The following ZMIZ1 variants were observed in gnomAD, a reference collection of about 807,000 sequenced individuals.
ZMIZ1 encodes zinc finger MIZ-type containing 1, also known as zinc finger MIZ domain-containing protein 1.
A neutral mutation model predicts 113.9 loss-of-function variants in ZMIZ1; 17 were observed. That is an observed-to-expected ratio of 0.15 (90% CI 0.10 to 0.22). The LOEUF (loss-of-function observed/expected upper bound fraction) is 0.22. Ranked by LOEUF, ZMIZ1 falls within the 10% of genes least tolerant of loss-of-function variation. The probability of loss-of-function intolerance (pLI) is 1.00; values close to 1 mark genes in which losing one functional copy is unlikely to be tolerated. For synonymous variants in ZMIZ1, 607 were observed against 603.1 expected, an observed-to-expected ratio of 1.01 and a Z score of -0.09; for missense variants, 1,059 against 1,477.8, an observed-to-expected ratio of 0.72 and a Z score of 4.65.
rs1216136831 is a variant in ZMIZ1 at position 79,175,633 on chromosome 10, G to GTGTGTGTGTGTGT, written c.-50+13500_-50+13501insTGTGTGTGTGTGT. Among the ~76,000 whole-genome samples, 110 of 72,548 alleles carry GTGTGTGTGTGTGT rather than the reference G, an allele frequency of 1.5e-3. 1 individual carries two copies. Among genetic ancestry groups the GTGTGTGTGTGTGT allele is most frequent in the Middle Eastern group, 8.9e-3 (1 of 112 alleles). 47.6% of individuals were successfully genotyped at this position (72,548 alleles called of 152,430 possible). A position where few individuals can be genotyped will look rare whatever the true frequency, so the allele number is the denominator to read the frequency against. On this transcript the variant is annotated intron_variant, in intron 4 of 24. Coordinates refer to ENST00000334512, the MANE Select transcript of ZMIZ1 (RefSeq NM_020338.4). Reference sequence around the variant, plus strand: ...GTGTGTGTGTGTGTGTGTGTGTGGAGGTTTTTACAGACCCGCATGTATGTG... The same window carrying GTGTGTGTGTGTGT: ...GTGTGTGTGTGTGTGTGTGTGTGGAGTGTGTGTGTGTGTGTTTTTACAGACCCGCATGTATGTG...
chr10:79,210,282 G>A (rs1367571688), intron 6 of ZMIZ1, among the ~76,000 whole-genome samples: 1 of 152,200 alleles, frequency 6.6e-6, no homozygotes, highest in African/African-American at 2.4e-5. Context: ...GAATCAGAGA[G>A]TGGCCCTCAC....
At chr10:79,293,697 C>T (rs745855691) in intron 12 of ZMIZ1, 44 bp downstream of exon 12, 7 of 1,612,764 alleles carry the variant, frequency 4.3e-6, no homozygotes, top group Non-Finnish European at 1.7e-6. Flanking sequence ...ACTGGGACAC[C>T]TGGGCTTGAA....
At position 79,163,233 on chromosome 10, in the gene ZMIZ1, G is replaced by A. The variant is rs186722247; in HGVS notation, c.-50+1100G>A. ...CTCAGCGTCCCTCCTGGAGCTTAGC[G>A]CTTCCAGGGGCCTAGGGGCAGGGCC... On this transcript the variant is annotated intron_variant, in intron 4 of 24. Transcript: ENST00000334512. Among the ~76,000 whole-genome samples the A allele has an allele frequency of 7.0e-4, 107 of 152,314 alleles. 3 individuals are homozygous for A. The South Asian group carries it at 0.016, about 23-fold the overall frequency.
intron 1 of ZMIZ1, among the ~76,000 whole-genome samples, chr10:79,076,588 C>A (rs889896416): frequency 1.1e-4 from 16 of 152,210 alleles, no homozygotes; most frequent in African/African-American, 3.9e-4. Context: ...GTAATCTCAG[C>A]ACTCTGGGAG....
intron 3 of ZMIZ1, among the ~76,000 whole-genome samples, chr10:79,158,590 G>A (rs963142339): frequency 6.6e-6 from 1 of 152,182 alleles, no homozygotes; most frequent in African/African-American, 2.4e-5. Context: ...GCCACCCCTG[G>A]TCCTAAATTT....
At chr10:79,141,050 A>G (rs549543805) in intron 3 of ZMIZ1, among the ~76,000 whole-genome samples, 4 of 152,138 alleles carry the variant, frequency 2.6e-5, no homozygotes, top group Non-Finnish European at 5.9e-5. Flanking sequence ...GTGGTGTGCA[A>G]TGGAGTACGA....
intron 1 of ZMIZ1, among the ~76,000 whole-genome samples, chr10:79,087,360 A>G (rs1564642414): frequency 9.5e-6 from 1 of 105,140 alleles, no homozygotes; most frequent in African/African-American, 5.2e-5. Context: ...GAAATTGGGA[A>G]GTCATTTTGA....
chr10:79,092,019 A>G (rs950437559), intron 1 of ZMIZ1, among the ~76,000 whole-genome samples: 95 of 152,010 alleles, frequency 6.2e-4, no homozygotes, highest in Non-Finnish European at 1.1e-3. Flanking sequence ...GGGATGGGGC[A>G]GGGCTTAGGG....
At chr10:79,299,930 A>G (rs141470126) in intron 16 of ZMIZ1, among the ~76,000 whole-genome samples, 1 of 150,470 alleles carries the variant, frequency 6.6e-6, no homozygotes, top group East Asian at 1.9e-4. Flanking sequence ...TCACAGTCTC[A>G]CTGTGCTTGT....
chr10:79,199,151 C>T (rs1291986048), intron 4 of ZMIZ1, among the ~76,000 whole-genome samples: 2 of 151,812 alleles, frequency 1.3e-5, no homozygotes, highest in South Asian at 2.1e-4. Flanking sequence ...TGGCAGGGGG[C>T]GATGGGCAGA....
chr10:79,210,728 C>T (rs1017332292), intron 6 of ZMIZ1, among the ~76,000 whole-genome samples: 1 of 152,140 alleles, frequency 6.6e-6, no homozygotes, highest in Non-Finnish European at 1.5e-5. Flanking sequence ...ACAGGCCAAG[C>T]GAAAGTCTGG....
intron 8 of ZMIZ1, among the ~76,000 whole-genome samples, chr10:79,284,336 GA>G (rs1429662724): frequency 2.0e-5 from 3 of 152,358 alleles, no homozygotes; most frequent in Non-Finnish European, 2.9e-5. Context: ...TCCTTAAAGG[GA>G]GTATGCAGGC....
At chr10:79,258,610 T>A (rs935964810) in intron 7 of ZMIZ1, among the ~76,000 whole-genome samples, 1 of 152,208 alleles carries the variant, frequency 6.6e-6, no homozygotes, top group Non-Finnish European at 1.5e-5. Flanking sequence ...TTGGTGATTG[T>A]CATGCGTAGG....
At chr10:79,254,321 C>G (rs1850740927) in intron 7 of ZMIZ1, among the ~76,000 whole-genome samples, 2 of 152,236 alleles carry the variant, frequency 1.3e-5, no homozygotes, top group South Asian at 4.1e-4. Context: ...CCTCTCTGTT[C>G]AGGGAGTGGA....
intron 8 of ZMIZ1, chr10:79,285,650 G>A (rs1467941232): frequency 2.2e-6 from 1 of 446,482 alleles, no homozygotes; most frequent in Non-Finnish European, 4.6e-6. Flanking sequence ...GTTTCTCCCT[G>A]GCACATTTTT....
chr10:79,190,616 G>C (rs77716520), intron 4 of ZMIZ1, among the ~76,000 whole-genome samples: 1 of 152,108 alleles, frequency 6.6e-6, no homozygotes, highest in South Asian at 2.1e-4. Context: ...GCTAACTAAA[G>C]GAGTACACTC....
At chr10:79,222,862 G>C (rs1159821718) in intron 7 of ZMIZ1, among the ~76,000 whole-genome samples, 1 of 152,204 alleles carries the variant, frequency 6.6e-6, no homozygotes, top group Non-Finnish European at 1.5e-5. Flanking sequence ...TGTTGGGAGA[G>C]GCACAGGTGT....
chr10:79,137,990 C>T (rs932180391), intron 2 of ZMIZ1, among the ~76,000 whole-genome samples: 4 of 152,196 alleles, frequency 2.6e-5, no homozygotes, highest in East Asian at 1.9e-4. Flanking sequence ...AGTCCCGTCC[C>T]GAGGCCACTC....
rs116236370 is a variant in ZMIZ1 at position 79,272,942 on chromosome 10, G to A, written c.281-4239G>A. 8.8e-3 allele frequency among the ~76,000 whole-genome samples: 1,337 copies of A among 152,326 alleles called. 17 individuals are homozygous for A. Among genetic ancestry groups the A allele is most frequent in the African/African-American group, 0.03 (1,248 of 41,554 alleles). ...TGAGCTGGAAGGCCCCAAGGTCCTC[G>A]GCACCAGCCCCTGGACAGGCTGGAG... On this transcript the variant is annotated intron_variant, in intron 7 of 24. Coordinates refer to ENST00000334512, the MANE Select transcript of ZMIZ1 (RefSeq NM_020338.4).
Sources: gnomAD v4.1 joint callset for allele counts (sites outside exome capture counted in the v4.1 genomes callset) on GRCh38, gnomAD v4.1.1 for gene constraint, MANE v1.5 for transcripts, NCBI Gene and HGNC (gene_info 2026-07-23, HGNC 2026-07-21) for gene names.